The following NDUFV3 variants were observed in gnomAD, a reference collection of about 807,000 sequenced individuals.
NDUFV3 encodes the protein NADH dehydrogenase [ubiquinone] flavoprotein 3, mitochondrial.
Under a neutral mutation model 37.5 loss-of-function variants are expected in NDUFV3, and 44 were observed. The observed-to-expected ratio is 1.17, with a 90% confidence interval of 0.92 to 1.51. NDUFV3 has a LOEUF of 1.51. Among genes scored for constraint, NDUFV3 ranks in the 40% most tolerant of loss-of-function variants. The probability of loss-of-function intolerance (pLI) is 0.00; values close to 1 mark genes in which losing one functional copy is unlikely to be tolerated. For missense variants in NDUFV3, 580 were observed against 580.4 expected, an observed-to-expected ratio of 1.00 and a Z score of 0.01; for synonymous variants, 235 against 239.3, an observed-to-expected ratio of 0.98 and a Z score of 0.17.
intron 1 of NDUFV3, among the ~76,000 whole-genome samples, chr21:42,896,510 T>C (rs1250688464): frequency 6.6e-6 from 1 of 151,756 alleles, no homozygotes; most frequent in Non-Finnish European, 1.5e-5. Flanking sequence ...ACTCCTGACC[T>C]CAAGTGATCC....
Position 42,896,917 on chromosome 21 carries a change from C to A in NDUFV3, c.49-10C>A, listed in dbSNP as rs750461894. ...CTCTAAACATCCATATTCATTAATT[C>A]TTTTGTCAGACTATGCTCCAGGAAG... is the stretch of plus-strand genomic sequence containing the variant. On this transcript the variant is annotated splice_polypyrimidine_tract_variant and intron_variant, in intron 1 of 3. Coordinates refer to ENST00000354250, the MANE Select transcript of NDUFV3 (RefSeq NM_021075.4). 6.2e-7 allele frequency: 1 copy of A among 1,610,242 alleles called. No homozygotes were observed. The highest frequency in any genetic ancestry group is 8.5e-7 in the Non-Finnish European group (1 of 1,176,738).
chr21:42,899,504 G>A (rs112775599), intron 2 of NDUFV3, among the ~76,000 whole-genome samples: 2,996 of 152,132 alleles, frequency 0.02, 44 homozygotes, highest in Non-Finnish European at 0.03. Flanking sequence ...GAGTGCAGTG[G>A]CACGATCTCG....
intron 1 of NDUFV3, 67 bp downstream of exon 1, chr21:42,893,448 G>A (rs2058666706): frequency 6.6e-7 from 1 of 1,515,066 alleles, no homozygotes; most frequent in South Asian, 1.2e-5. Context: ...GGGTGAGGGG[G>A]CGCGGTGCTG....
At position 42,909,019 on chromosome 21, in the gene NDUFV3, T is replaced by C; in HGVS notation, c.1420T>C (p.Ter474ArgextTer5). The C allele has an allele frequency of 6.2e-7, 1 of 1,613,358 alleles. No individual in the cohort carries two copies. The change falls in exon 4 of 4, where the codon TGA (stop) becomes CGA (arginine). Residue 474 changes from the stop codon to arginine, a stop_lost. Transcript: ENST00000354250. ...PSSGRESPRH[*>R] The stretch of plus-strand genomic sequence containing the variant: ...CTCAGGCCGGGAGTCACCTCGACAC[T>C]GAGGGCCCTCGGTGTGAAGATGAAC...
chr21:42,901,442 C>A (rs1235933548), intron 2 of NDUFV3, among the ~76,000 whole-genome samples: 2 of 149,984 alleles, frequency 1.3e-5, no homozygotes, highest in African/African-American at 2.4e-5. Context: ...AACTCCATCT[C>A]AAAAAAAAAT....
chr21:42,896,800 C>T, intron 1 of NDUFV3, 127 bp from the exon 2 acceptor site: 1 of 928,878 alleles, frequency 1.1e-6, no homozygotes, highest in South Asian at 1.8e-5. Context: ...GATTGTGCCA[C>T]TGCACTCCAG....
intron 3 of NDUFV3, 139 bp downstream of exon 3, chr21:42,904,415 A>C: frequency 8.8e-7 from 1 of 1,134,884 alleles, no homozygotes. Flanking sequence ...ACGCTGTCTC[A>C]GCCAGGCAGA....
chr21:42,904,285 T>C lies in NDUFV3; in HGVS notation c.1264+9T>C. 6.3e-7 allele frequency: 1 copy of C among 1,580,284 alleles called. No individual in the cohort carries two copies. The highest frequency in any genetic ancestry group is 8.6e-7 in the Non-Finnish European group (1 of 1,162,762). On this transcript the variant is annotated intron_variant, in intron 3 of 3. Coordinates refer to ENST00000354250, the MANE Select transcript of NDUFV3 (RefSeq NM_021075.4). ...CCGAGGCGGCACACAGGGTATACCT[T>C]GACTCGCGCTCCCAAGTGCACCCTG...
At chr21:42,897,340 T>C (rs753490109) in intron 2 of NDUFV3, among the ~76,000 whole-genome samples, 138 of 152,246 alleles carry the variant, frequency 9.1e-4, no homozygotes, top group Admixed American at 9.8e-4. Flanking sequence ...CTGTGGCATT[T>C]AGATGGCCCC....
rs1257790096 is a variant in NDUFV3, at chr21:42,903,546, G to C, written c.534G>C (p.Val178=). ...ADVSEVTPRV[V]SKGRGGLRKP... Reference sequence around the variant, plus strand: ...TTTCAGAGGTCACTCCTCGAGTGGTGAGCAAAGGCAGAGGGGGGCTTCGAA... The same window carrying C: ...TTTCAGAGGTCACTCCTCGAGTGGTCAGCAAAGGCAGAGGGGGGCTTCGAA... The change falls in exon 3 of 4, where the codon GTG becomes GTC. Residue 178 remains valine, a synonymous_variant. Transcript: ENST00000354250. 5.0e-6 allele frequency: 8 copies of C among 1,614,008 alleles called. No individual in the cohort carries two copies. The highest frequency in any genetic ancestry group is 6.8e-6 in the Non-Finnish European group (8 of 1,180,048).
chr21:42,899,289 GAC>G (rs2058708475), intron 2 of NDUFV3, among the ~76,000 whole-genome samples: 1 of 32,974 alleles, frequency 3.0e-5, no homozygotes, highest in Non-Finnish European at 6.2e-5. Context: ...TTTTTTTTGA[GAC>G]AGAGTTTTGC....
rs66493713 is a variant in NDUFV3 at position 42,911,439 on chromosome 21, CTTTTTTTTTTTTTTTT to C, written c.*2434_*2449del. The C allele has an allele frequency of 1.5e-5, 1 of 67,542 alleles. No homozygotes were observed. Among genetic ancestry groups the C allele is most frequent in the Admixed American group, 1.8e-4 (1 of 5,486 alleles). The allele number at this position is 67,542 out of a possible 1,614,324, so 4.2% of individuals were successfully genotyped here. A position where few individuals can be genotyped will look rare whatever the true frequency, so the allele number is the denominator to read the frequency against. On this transcript the variant is annotated 3_prime_UTR_variant, in exon 4 of 4. Transcript: ENST00000354250. Reference sequence around the variant, plus strand: ...CTAAAATCCACTATGCTAACCCACCCTTTTTTTTTTTTTTTTTTTTTTTTTTTTTTTGAGACAGCCT... The same window carrying C: ...CTAAAATCCACTATGCTAACCCACCCTTTTTTTTTTTTTTTGAGACAGCCT...
chr21:42,903,273 G>A lies in NDUFV3; in HGVS notation c.261G>A (p.Pro87=), dbSNP rs372846629. The change falls in exon 3 of 4, where the codon CCG becomes CCA. Residue 87 remains proline, a synonymous_variant. Coordinates refer to ENST00000354250, the MANE Select transcript of NDUFV3 (RefSeq NM_021075.4). ...SKNLSSPSSY[P]PAVNKGRKVA... is the part of the protein sequence containing the mutation. ...ACTTATCTTCACCCAGTTCTTACCC[G>A]CCAGCTGTGAATAAGGGCAGGAAGG... The A allele has an allele frequency of 1.3e-5, 21 of 1,613,976 alleles. No homozygotes were observed. Among genetic ancestry groups the A allele is most frequent in the African/African-American group, 1.1e-4 (8 of 74,900 alleles).
chr21:42,904,761 C>T (rs983051941), intron 3 of NDUFV3, among the ~76,000 whole-genome samples: 11 of 151,644 alleles, frequency 7.3e-5, no homozygotes, highest in African/African-American at 1.9e-4. Flanking sequence ...GCTGGGATTA[C>T]AGGCATGAGC....
intron 1 of NDUFV3, 141 bp downstream of exon 1, chr21:42,893,522 G>A (rs2058667491): frequency 1.0e-6 from 1 of 952,914 alleles, no homozygotes; most frequent in African/African-American, 1.7e-5. Flanking sequence ...CCGCTCCCTG[G>A]GCCCAGGACT....
chr21:42,894,415 A>T (rs9974089), intron 1 of NDUFV3, among the ~76,000 whole-genome samples: 2 of 47,274 alleles, frequency 4.2e-5, no homozygotes, highest in African/African-American at 2.3e-4. Context: ...TATAATATAT[A>T]ATATATTATA....
rs552637819 is a variant in NDUFV3 at position 42,899,112 on chromosome 21, C to T, written c.169+2065C>T. ...ACGGGCCCTGCAGGCCTCTGAGCCT[C>T]GGTTCCTTTGTGCTTAAGCAGGATG... On this transcript the variant is annotated intron_variant, in intron 2 of 3. Coordinates refer to ENST00000354250, the MANE Select transcript of NDUFV3 (RefSeq NM_021075.4). Among the ~76,000 whole-genome samples, 5 of 152,220 alleles carry T rather than the reference C, an allele frequency of 3.3e-5. No homozygotes were observed. In the East Asian group the frequency reaches 5.8e-4, roughly 18 times the overall value.
chr21:42,906,958 A>G (rs2146165285), intron 3 of NDUFV3: 1 of 490,344 alleles, frequency 2.0e-6, no homozygotes, highest in Non-Finnish European at 4.1e-6. Flanking sequence ...AGCTTTTGAT[A>G]TTAATTGAAA....
At chr21:42,894,721 A>T (rs899038765) in intron 1 of NDUFV3, among the ~76,000 whole-genome samples, 6 of 149,898 alleles carry the variant, frequency 4.0e-5, no homozygotes, top group Non-Finnish European at 5.9e-5. Flanking sequence ...ATTCATTGAC[A>T]GTCTACCATT....
Sources: allele counts gnomAD v4.1 joint callset (sites outside exome capture counted in the v4.1 genomes callset), GRCh38; gene constraint gnomAD v4.1.1; transcripts MANE v1.5; gene names NCBI Gene and HGNC (gene_info 2026-07-23, HGNC 2026-07-21).